The following TRMT11 variants were observed in gnomAD, a reference collection of about 807,000 sequenced individuals.
TRMT11 encodes the protein tRNA (guanine(10)-N(2))-methyltransferase TRMT11.
A neutral mutation model predicts 62.8 loss-of-function variants in TRMT11; 53 were observed. The ratio of observed to expected loss-of-function variants is 0.84; its 90% CI spans 0.68 to 1.06. The LOEUF (loss-of-function observed/expected upper bound fraction) is 1.06. Among genes scored for constraint, TRMT11 ranks in the 50% least tolerant of loss-of-function variants. The pLI is 0.00. For missense variants in TRMT11, 556 were observed against 553.4 expected, an observed-to-expected ratio of 1.00 and a Z score of -0.05; for synonymous variants, 188 against 190.3, an observed-to-expected ratio of 0.99 and a Z score of 0.10.
chr6:126,108,461 G>A (rs1181794977), intron 17 of TRMT11, among the ~76,000 whole-genome samples: 2 of 152,186 alleles, frequency 1.3e-5, no homozygotes, highest in Non-Finnish European at 2.9e-5. Context: ...AAATATAAAT[G>A]TATGTGCCAG....
chr6:126,127,281 A>T (rs1244042010), intron 21 of TRMT11, among the ~76,000 whole-genome samples: 3 of 152,032 alleles, frequency 2.0e-5, no homozygotes, highest in Non-Finnish European at 2.9e-5. Flanking sequence ...CTTGGAGAAG[A>T]GGAGACTTTG....
chr6:126,268,080 G>A, the TRMT11 span, among the ~76,000 whole-genome samples: 24 of 152,162 alleles, frequency 1.6e-4, no homozygotes, highest in African/African-American at 4.6e-4. Context: ...AACTAAATTA[G>A]GTGTAAATTA....
Position 125,995,953 on chromosome 6 carries a change from G to A in TRMT11, c.139-14G>A, listed in dbSNP as rs754684328. Reference sequence around the variant, plus strand: ...GCCACTTAGAATTAAGTTGCATATTGTTATTTCTTTTAGTCACCATTTTGG... The same window carrying A: ...GCCACTTAGAATTAAGTTGCATATTATTATTTCTTTTAGTCACCATTTTGG... On this transcript the variant is annotated splice_polypyrimidine_tract_variant and intron_variant, in intron 2 of 12. Transcript: ENST00000334379. 1 of 1,558,464 alleles carries A rather than the reference G, an allele frequency of 6.4e-7. No homozygotes were observed. The highest frequency in any genetic ancestry group is 1.1e-5 in the South Asian group (1 of 89,842).
At chr6:126,103,140 C>T (rs1777421619) in intron 17 of TRMT11, among the ~76,000 whole-genome samples, 1 of 152,208 alleles carries the variant, frequency 6.6e-6, no homozygotes, top group Admixed American at 6.5e-5. Context: ...AGTGACTTCT[C>T]TTCCCACAGC....
chr6:126,012,739 G>T, intron 9 of TRMT11, 32 bp from the exon 10 acceptor site: 1 of 1,571,446 alleles, frequency 6.4e-7, no homozygotes, highest in South Asian at 1.1e-5. Flanking sequence ...GGTGACTTTT[G>T]ACTATCTGTG....
the TRMT11 span, among the ~76,000 whole-genome samples, chr6:126,260,721 A>G: frequency 6.6e-5 from 10 of 152,314 alleles, no homozygotes; most frequent in East Asian, 1.3e-3. Context: ...GAAAGAATTT[A>G]TTTGTTAAAC....
At chr6:126,191,071 A>C (rs1363593010) in intron 1 of TRMT11, among the ~76,000 whole-genome samples, 1 of 152,086 alleles carries the variant, frequency 6.6e-6, no homozygotes, top group Non-Finnish European at 1.5e-5. Context: ...TATGACCATT[A>C]ACTTTTCTCT....
At chr6:125,992,029 C>G (rs1003639734) in intron 1 of TRMT11, among the ~76,000 whole-genome samples, 1 of 152,100 alleles carries the variant, frequency 6.6e-6, no homozygotes, top group Non-Finnish European at 1.5e-5. Context: ...ATTTTTTATT[C>G]CTAATATAGA....
intron 21 of TRMT11, among the ~76,000 whole-genome samples, chr6:126,155,796 C>T (rs900161421): frequency 2.0e-5 from 3 of 152,212 alleles, no homozygotes; most frequent in African/African-American, 4.8e-5. Context: ...TCTCAGCTCA[C>T]TGCAAGCTCT....
At chr6:126,218,693 G>A in the TRMT11 span, among the ~76,000 whole-genome samples, 1 of 152,220 alleles carries the variant, frequency 6.6e-6, no homozygotes, top group African/African-American at 2.4e-5. Flanking sequence ...TGGGGTTGGA[G>A]GAGAGGTGGC....
chr6:125,994,153 AT>A (rs1360329327), intron 2 of TRMT11, among the ~76,000 whole-genome samples: 1 of 152,216 alleles, frequency 6.6e-6, no homozygotes, highest in Admixed American at 6.5e-5. Flanking sequence ...GTTGAGAATC[AT>A]TTTAAAATTT....
chr6:126,193,579 G>A (rs1045750797), intron 1 of TRMT11, among the ~76,000 whole-genome samples: 2 of 136,862 alleles, frequency 1.5e-5, no homozygotes, highest in African/African-American at 2.8e-5. Flanking sequence ...TGCAAGCTTC[G>A]CCTCCCAGGT....
At chr6:126,062,020 C>T (rs1776548978) in intron 17 of TRMT11, among the ~76,000 whole-genome samples, 1 of 152,180 alleles carries the variant, frequency 6.6e-6, no homozygotes. Flanking sequence ...GCTGGGACTA[C>T]AGGTACACGC....
chr6:126,150,450 A>G (rs138419476), intron 21 of TRMT11, among the ~76,000 whole-genome samples: 2 of 152,356 alleles, frequency 1.3e-5, no homozygotes, highest in African/African-American at 2.4e-5. Context: ...AGGTGTTTGT[A>G]TAAACCTTAT....
At chr6:126,240,336 G>A in the TRMT11 span, among the ~76,000 whole-genome samples, 2 of 151,998 alleles carry the variant, frequency 1.3e-5, no homozygotes, top group African/African-American at 2.4e-5. Flanking sequence ...CCATTTTTGT[G>A]GTTTTATCTA....
intron 17 of TRMT11, among the ~76,000 whole-genome samples, chr6:126,085,490 G>T (rs1053222939): frequency 1.3e-5 from 2 of 152,072 alleles, no homozygotes; most frequent in Non-Finnish European, 2.9e-5. Context: ...AAAAATGTTT[G>T]CTATGTGAGG....
At chr6:126,026,157 A>C (rs1289928971) in intron 12 of TRMT11, among the ~76,000 whole-genome samples, 1 of 152,118 alleles carries the variant, frequency 6.6e-6, no homozygotes, top group Non-Finnish European at 1.5e-5. Flanking sequence ...TGTTTATAAA[A>C]CTTCCCTATC....
chr6:126,041,018 A>T (rs1164439294), downstream of TRMT11, among the ~76,000 whole-genome samples: 1 of 152,098 alleles, frequency 6.6e-6, no homozygotes, highest in South Asian at 2.1e-4. Flanking sequence ...TTTCCTTATG[A>T]CTAACTCTTT....
At chr6:126,195,117 A>G (rs1465782202) in intron 1 of TRMT11, among the ~76,000 whole-genome samples, 1 of 152,212 alleles carries the variant, frequency 6.6e-6, no homozygotes, top group Admixed American at 6.5e-5. Context: ...CCCTGTTATA[A>G]AAGTTATTGG....
Sources: gnomAD v4.1 joint callset for allele counts (sites outside exome capture counted in the v4.1 genomes callset) on GRCh38, gnomAD v4.1.1 for gene constraint, MANE v1.5 for transcripts, NCBI Gene and HGNC (gene_info 2026-07-23, HGNC 2026-07-21) for gene names.